Variants in SPPL3 observed in about 807,000 individuals in gnomAD.
SPPL3 encodes the protein signal peptide peptidase-like 3.
A neutral mutation model predicts 42.4 loss-of-function variants in SPPL3; 5 were observed. That is an observed-to-expected ratio of 0.12 (90% CI 0.06 to 0.25). The LOEUF (loss-of-function observed/expected upper bound fraction) is 0.25, where lower values mean the gene tolerates loss of function less well. Among genes scored for constraint, SPPL3 ranks in the 10% least tolerant of loss-of-function variants. SPPL3 has a pLI of 1.00. For missense variants in SPPL3, 235 were observed against 489.0 expected (o/e 0.48, Z 4.90); for synonymous variants, 195 against 181.8 (o/e 1.07, Z -0.58).
rs182767316 is a variant in SPPL3 at position 120,829,371 on chromosome 12, G to A, written c.24-18485C>T. Among the ~76,000 whole-genome samples the A allele has an allele frequency of 6.4e-4, 98 of 152,220 alleles. No homozygotes were observed. The South Asian group carries it at 0.018, about 28-fold the overall frequency. Reference sequence around the variant, plus strand: ...AGCACTTTGGGAGGCCACGGCAGGCGGATCACTTGAGGTCAGGAGTTTGAG... The same window carrying A: ...AGCACTTTGGGAGGCCACGGCAGGCAGATCACTTGAGGTCAGGAGTTTGAG... On this transcript the variant is annotated intron_variant, in intron 1 of 10. Transcript: ENST00000353487.
At chr12:120,778,347 C>CCTCA (rs1029879203) in intron 6 of SPPL3, among the ~76,000 whole-genome samples, 3 of 151,942 alleles carry the variant, frequency 2.0e-5, no homozygotes, top group African/African-American at 7.3e-5. Context: ...GAACTCCTGA[C>CCTCA]CTCAGGTGAT....
chr12:120,791,788 T>G (rs535212891), intron 2 of SPPL3: 39 of 455,236 alleles, frequency 8.6e-5, no homozygotes, highest in African/African-American at 7.7e-4. Context: ...AGCTGAATCT[T>G]CCACTCCTAT....
intron 1 of SPPL3, among the ~76,000 whole-genome samples, chr12:120,894,636 T>C (rs567008559): frequency 3.3e-5 from 5 of 152,262 alleles, no homozygotes; most frequent in East Asian, 1.9e-4. Context: ...TCAGGCATGG[T>C]GTGGGATAAG....
In SPPL3 at chr12:120,851,455, G is replaced by A. The variant is rs755618964; in HGVS notation, c.24-40569C>T. ...AAATCTCAGTCATTTTTTTTTTTGT[G>A]GCATACCTGAGGCCAAAAGAAATGC... On this transcript the variant is annotated intron_variant, in intron 1 of 10. Transcript: ENST00000353487. Among the ~76,000 whole-genome samples the A allele has an allele frequency of 4.6e-5, 7 of 151,152 alleles. No individual in the cohort carries two copies. In the South Asian group the frequency reaches 8.4e-4, roughly 18 times the overall value.
chr12:120,826,150 G>A (rs577463052), intron 1 of SPPL3, among the ~76,000 whole-genome samples: 127 of 151,986 alleles, frequency 8.4e-4, no homozygotes, highest in Non-Finnish European at 1.2e-3. Context: ...AAAATTAGCC[G>A]GGCATGGTGG....
At chr12:120,783,859 A>C in intron 4 of SPPL3, 107 bp from the exon 5 acceptor site, 1 of 878,668 alleles carries the variant, frequency 1.1e-6, no homozygotes, top group Non-Finnish European at 1.8e-6. Flanking sequence ...CGGTTAATTG[A>C]CTAGAGAAGA....
At chr12:120,786,893 C>G (rs540814103) in intron 3 of SPPL3, among the ~76,000 whole-genome samples, 5 of 152,190 alleles carry the variant, frequency 3.3e-5, no homozygotes, top group South Asian at 2.1e-4. Context: ...ACAGACTAGC[C>G]ATAATTAGGA....
chr12:120,780,904 C>G (rs1370818491), intron 6 of SPPL3, among the ~76,000 whole-genome samples: 1 of 152,034 alleles, frequency 6.6e-6, no homozygotes, highest in Admixed American at 6.5e-5. Flanking sequence ...AAGCGAAACT[C>G]CCTCCCCCAA....
intron 10 of SPPL3, 79 bp from the exon 11 acceptor site, chr12:120,765,149 AT>A (rs1555246277): frequency 9.6e-5 from 130 of 1,354,340 alleles, no homozygotes; most frequent in Middle Eastern, 1.8e-4. Flanking sequence ...AAAAAAAAAA[AT>A]TTTTTTTCCA....
At chr12:120,894,083 C>T (rs983261519) in intron 1 of SPPL3, among the ~76,000 whole-genome samples, 21 of 151,844 alleles carry the variant, frequency 1.4e-4, no homozygotes, top group Admixed American at 2.6e-4. Flanking sequence ...CAGCACTTGG[C>T]GAGGCTGAGG....
At chr12:120,829,741 T>C (rs534252624) in intron 1 of SPPL3, among the ~76,000 whole-genome samples, 1 of 152,198 alleles carries the variant, frequency 6.6e-6, no homozygotes, top group East Asian at 1.9e-4. Context: ...ACACCTGCAA[T>C]CCCAGTACTT....
chr12:120,795,267 CA>C (rs1870059789), intron 2 of SPPL3, among the ~76,000 whole-genome samples: 1 of 152,208 alleles, frequency 6.6e-6, no homozygotes, highest in South Asian at 2.1e-4. Context: ...ATCTTTTACA[CA>C]ACTGTAAATA....
At chr12:120,869,625 A>G (rs1215155071) in intron 1 of SPPL3, among the ~76,000 whole-genome samples, 1 of 152,222 alleles carries the variant, frequency 6.6e-6, no homozygotes, top group African/African-American at 2.4e-5. Context: ...CTAAACGGGT[A>G]TATATGACTA....
intron 5 of SPPL3, 112 bp downstream of exon 5, chr12:120,783,562 C>A (rs1050371026): frequency 1.0e-6 from 1 of 983,512 alleles, no homozygotes. Flanking sequence ...GGTCTTTTGG[C>A]ATTTCTGTGC....
chr12:120,768,623 A>G (rs1038747199), intron 7 of SPPL3, 135 bp from the exon 8 acceptor site: 27 of 1,069,196 alleles, frequency 2.5e-5, no homozygotes, highest in Non-Finnish European at 3.3e-5. Flanking sequence ...ATGATTTGAG[A>G]AAATCTTTGC....
intron 5 of SPPL3, 83 bp from the exon 6 acceptor site, chr12:120,782,850 G>T (rs1936496459): frequency 3.0e-6 from 3 of 984,422 alleles, no homozygotes; most frequent in Admixed American, 4.1e-5. Flanking sequence ...GTGATGGCTG[G>T]ATTAGAATAG....
intron 1 of SPPL3, among the ~76,000 whole-genome samples, chr12:120,867,258 G>A (rs560366069): frequency 3.9e-5 from 6 of 152,076 alleles, no homozygotes; most frequent in Non-Finnish European, 8.8e-5. Flanking sequence ...ATGATAAATG[G>A]TTGAAAAGAC....
At chr12:120,769,141 CAG>C in intron 6 of SPPL3, 82 bp from the exon 7 acceptor site, 1 of 1,106,860 alleles carries the variant, frequency 9.0e-7, no homozygotes, top group Non-Finnish European at 1.3e-6. Context: ...TGGCCCTTCA[CAG>C]AGTTTGCAAT....
intron 1 of SPPL3, among the ~76,000 whole-genome samples, chr12:120,842,327 CT>C (rs1257580752): frequency 6.6e-6 from 1 of 152,166 alleles, no homozygotes; most frequent in Non-Finnish European, 1.5e-5. Context: ...TTATTAGAAA[CT>C]TGTTCCTTGA....
Sources: gnomAD v4.1 joint callset for allele counts (sites outside exome capture counted in the v4.1 genomes callset) on GRCh38, gnomAD v4.1.1 for gene constraint, MANE v1.5 for transcripts, NCBI Gene and HGNC (gene_info 2026-07-23, HGNC 2026-07-21) for gene names.